The following UNC5D variants were observed in gnomAD, a reference collection of about 807,000 sequenced individuals.
UNC5D encodes netrin receptor UNC5D.
A neutral mutation model predicts 105.4 loss-of-function variants in UNC5D; 39 were observed. The observed-to-expected ratio is 0.37, with a 90% CI of 0.29 to 0.48. The LOEUF (loss-of-function observed/expected upper bound fraction) is 0.48, where lower values mean the gene tolerates loss of function less well. UNC5D is among the 20% of genes least tolerant of loss of function. UNC5D has a pLI of 0.98. For synonymous variants in UNC5D, 452 were observed against 450.4 expected (o/e 1.00, Z -0.04); for missense variants, 991 against 1,202.4 (o/e 0.82, Z 2.60).
At chr8:35,335,010 A>G (rs372750533) in intron 1 of UNC5D, among the ~76,000 whole-genome samples, 34 of 152,146 alleles carry the variant, frequency 2.2e-4, no homozygotes, top group African/African-American at 7.7e-4. Flanking sequence ...ATTAGTTTGC[A>G]TTTTCTAGAA....
rs188979395 is a variant in UNC5D at position 35,567,464 on chromosome 8, G to A, written c.323-634G>A. Among the ~76,000 whole-genome samples, 328 of 152,128 alleles carry A rather than the reference G, an allele frequency of 2.2e-3. 1 individual carries two copies. Among genetic ancestry groups the A allele is most frequent in the Admixed American group, 4.6e-3 (71 of 15,270 alleles). The stretch of plus-strand genomic sequence containing the variant: ...GAGGCCAGAAATTCCAGACCAGCCT[G>A]GTCAACATAGTGAGATCCCCATCGC... On this transcript the variant is annotated intron_variant, in intron 2 of 16. Transcript: ENST00000404895.
chr8:35,707,772 C>G (rs780127771), intron 8 of UNC5D, among the ~76,000 whole-genome samples: 1 of 152,176 alleles, frequency 6.6e-6, no homozygotes, highest in Non-Finnish European at 1.5e-5. Context: ...TACTTCCAGG[C>G]ATAAACCCCG....
At chr8:35,301,118 A>G (rs1807921035) in intron 1 of UNC5D, among the ~76,000 whole-genome samples, 1 of 152,140 alleles carries the variant, frequency 6.6e-6, no homozygotes, top group African/African-American at 2.4e-5. Context: ...TATCTCCTTC[A>G]AGAAATTACT....
At chr8:35,321,503 C>T (rs1362173671) in intron 1 of UNC5D, among the ~76,000 whole-genome samples, 2 of 152,108 alleles carry the variant, frequency 1.3e-5, no homozygotes, top group South Asian at 2.1e-4. Context: ...TGTCTTGCTT[C>T]CCCTTTGCCT....
At chr8:35,600,173 G>A (rs931993891) in intron 4 of UNC5D, among the ~76,000 whole-genome samples, 1 of 152,170 alleles carries the variant, frequency 6.6e-6, no homozygotes, top group Non-Finnish European at 1.5e-5. Flanking sequence ...TGGTGTATAT[G>A]AGCCACATTT....
At chr8:35,318,072 A>G (rs1330431228) in intron 1 of UNC5D, among the ~76,000 whole-genome samples, 1 of 152,080 alleles carries the variant, frequency 6.6e-6, no homozygotes, top group East Asian at 1.9e-4. Flanking sequence ...GGAACTTTAC[A>G]TGTTTTTACT....
At chr8:35,736,032 T>C (rs534995203) in intron 11 of UNC5D, among the ~76,000 whole-genome samples, 1 of 152,298 alleles carries the variant, frequency 6.6e-6, no homozygotes, top group South Asian at 2.1e-4. Context: ...AGTAGACATT[T>C]GTGGCTATTC....
At position 35,790,265 on chromosome 8, in the gene UNC5D, T is replaced by G. The variant is rs1802976003; in HGVS notation, c.2658-94T>G. ...TTATCCCTACTATAATAACATCTAT[T>G]AAAATTCATTTTTAATTCTCTTATG... is the stretch of plus-strand genomic sequence containing the variant. On this transcript the variant is annotated intron_variant, in intron 16 of 16. Transcript: ENST00000404895. 9 of 1,361,472 alleles carry G rather than the reference T, an allele frequency of 6.6e-6. No homozygotes were observed. The East Asian group carries it at 2.1e-4, about 32-fold the overall frequency. The allele number at this position is 1,361,472 out of a possible 1,614,324, so 84.3% of individuals were successfully genotyped here.
intron 1 of UNC5D, among the ~76,000 whole-genome samples, chr8:35,324,407 T>C (rs1809993150): frequency 6.8e-6 from 1 of 147,222 alleles, no homozygotes; most frequent in Non-Finnish European, 1.5e-5. Context: ...TTCCAGTTTG[T>C]TGTTCATTAT....
At chr8:35,350,098 T>C (rs934557528) in intron 1 of UNC5D, among the ~76,000 whole-genome samples, 3 of 151,816 alleles carry the variant, frequency 2.0e-5, no homozygotes, top group Non-Finnish European at 4.4e-5. Flanking sequence ...CCCGAAAGAG[T>C]CTTGGGAACC....
chr8:35,589,912 T>C (rs1022762148), intron 3 of UNC5D, among the ~76,000 whole-genome samples: 1 of 152,196 alleles, frequency 6.6e-6, no homozygotes, highest in African/African-American at 2.4e-5. Flanking sequence ...TCGCTCTTCA[T>C]GTATGCCCAT....
At chr8:35,761,271 T>G (rs1801519114) in intron 14 of UNC5D, among the ~76,000 whole-genome samples, 1 of 152,296 alleles carries the variant, frequency 6.6e-6, no homozygotes, top group South Asian at 2.1e-4. Flanking sequence ...AGGGCCTCAT[T>G]TCACTGGATC....
chr8:35,607,751 G>A (rs1026998091), intron 4 of UNC5D, among the ~76,000 whole-genome samples: 1 of 152,066 alleles, frequency 6.6e-6, no homozygotes, highest in African/African-American at 2.4e-5. Flanking sequence ...CCTTCCTGCT[G>A]TCTTGTGAAG....
intron 14 of UNC5D, among the ~76,000 whole-genome samples, chr8:35,760,954 T>G (rs1259915502): frequency 2.0e-5 from 3 of 152,184 alleles, no homozygotes; most frequent in Non-Finnish European, 4.4e-5. Flanking sequence ...TATTGACTTT[T>G]CAGACTTATT....
chr8:35,525,268 C>G lies in UNC5D; in HGVS notation c.104-24024C>G. On this transcript the variant is annotated intron_variant, in intron 1 of 16. Coordinates refer to ENST00000404895, the MANE Select transcript of UNC5D (RefSeq NM_080872.4). ...TCCACGTCTCTAAAATGTTTTTCAA[C>G]TATTTTGCGTACATGGCTCAGTGCA... 4 of 1,612,208 alleles carry G rather than the reference C, an allele frequency of 2.5e-6. No individual in the cohort carries two copies. In the South Asian group the frequency reaches 4.4e-5, roughly 18 times the overall value.
At chr8:35,449,264 C>T (rs1188318702) in intron 1 of UNC5D, among the ~76,000 whole-genome samples, 1 of 152,126 alleles carries the variant, frequency 6.6e-6, no homozygotes, top group Non-Finnish European at 1.5e-5. Context: ...TTGAACTGCT[C>T]ACGATTCTTC....
intron 1 of UNC5D, among the ~76,000 whole-genome samples, chr8:35,370,001 T>A (rs865818946): frequency 2.0e-5 from 3 of 152,346 alleles, no homozygotes; most frequent in Middle Eastern, 3.4e-3. Flanking sequence ...GTATTATATA[T>A]GATCTTCCCT....
chr8:35,473,918 T>G (rs1172393912), intron 1 of UNC5D, among the ~76,000 whole-genome samples: 1 of 152,134 alleles, frequency 6.6e-6, no homozygotes, highest in African/African-American at 2.4e-5. Context: ...TTTTTTGCTG[T>G]GTCCTCCCAT....
chr8:35,571,751 G>C (rs2130800704), intron 3 of UNC5D, among the ~76,000 whole-genome samples: 1 of 152,256 alleles, frequency 6.6e-6, no homozygotes, highest in East Asian at 1.9e-4. Flanking sequence ...AGCTAAATTG[G>C]ATATAATTCA....
Sources: allele counts gnomAD v4.1 joint callset (sites outside exome capture counted in the v4.1 genomes callset), GRCh38; gene constraint gnomAD v4.1.1; transcripts MANE v1.5; gene names NCBI Gene and HGNC (gene_info 2026-07-23, HGNC 2026-07-21).